Variants in ROBO2 observed in about 807,000 individuals in gnomAD.
The protein encoded by ROBO2 is roundabout guidance receptor 2, also known as roundabout homolog 2.
A neutral mutation model predicts 160.8 loss-of-function variants in ROBO2; 53 were observed. That is an observed-to-expected ratio of 0.33 (90% CI 0.26 to 0.41). The LOEUF is 0.41. Ranked by LOEUF, ROBO2 falls within the 10% of genes least tolerant of loss-of-function variation. The pLI is 1.00. For synonymous variants in ROBO2, 664 were observed against 611.7 expected (o/e 1.09, Z -1.26); for missense variants, 1,577 against 1,722.4 (o/e 0.92, Z 1.49).
chr3:76,997,536 T>C (rs2061088483), intron 2 of ROBO2, among the ~76,000 whole-genome samples: 1 of 152,178 alleles, frequency 6.6e-6, no homozygotes, highest in South Asian at 2.1e-4. Context: ...GGGCAAAGTC[T>C]GAAATGGTTT....
chr3:77,170,212 A>G (rs2079502394), intron 2 of ROBO2, among the ~76,000 whole-genome samples: 1 of 152,160 alleles, frequency 6.6e-6, no homozygotes, highest in African/African-American at 2.4e-5. Flanking sequence ...TATTATTTAA[A>G]TCATTACCAG....
chr3:77,290,090 T>C (rs1286653344), intron 2 of ROBO2, among the ~76,000 whole-genome samples: 1 of 151,694 alleles, frequency 6.6e-6, no homozygotes, highest in Non-Finnish European at 1.5e-5. Flanking sequence ...AATTGACGGT[T>C]AAACGGATAA....
intron 2 of ROBO2, among the ~76,000 whole-genome samples, chr3:76,957,830 C>CAA (rs11298062): frequency 4.8e-5 from 6 of 125,936 alleles, no homozygotes; most frequent in Admixed American, 8.6e-5. Flanking sequence ...GACTCTGTCT[C>CAA]AAAAAAAAAA....
At chr3:76,100,232 G>A (rs529518092) in intron 2 of ROBO2, among the ~76,000 whole-genome samples, 5 of 152,270 alleles carry the variant, frequency 3.3e-5, no homozygotes, top group East Asian at 3.9e-4. Flanking sequence ...TAGGGATGCC[G>A]GTTGGGAAGA....
chr3:76,875,584 T>A (rs2072625611), intron 2 of ROBO2, among the ~76,000 whole-genome samples: 1 of 152,170 alleles, frequency 6.6e-6, no homozygotes, highest in African/African-American at 2.4e-5. Flanking sequence ...AGAGGTCACC[T>A]GCTTCCTTTG....
chr3:75,971,324 C>T (rs1023481400), intron 2 of ROBO2, among the ~76,000 whole-genome samples: 1 of 151,392 alleles, frequency 6.6e-6, no homozygotes, highest in Non-Finnish European at 1.5e-5. Context: ...TGAACAACAT[C>T]ATAAAACCTG....
chr3:77,249,003 G>C (rs532389688), intron 2 of ROBO2, among the ~76,000 whole-genome samples: 3 of 152,082 alleles, frequency 2.0e-5, no homozygotes, highest in East Asian at 3.9e-4. Context: ...TCAGCCTCCC[G>C]AGTAGCTGGG....
intron 2 of ROBO2, among the ~76,000 whole-genome samples, chr3:76,298,275 A>G (rs1709184840): frequency 6.6e-6 from 1 of 152,120 alleles, no homozygotes; most frequent in African/African-American, 2.4e-5. Flanking sequence ...AGGAAGAAAG[A>G]GGAAAGGAAA....
chr3:77,329,092 A>G (rs2065732571), intron 2 of ROBO2, among the ~76,000 whole-genome samples: 2 of 152,350 alleles, frequency 1.3e-5, no homozygotes, highest in Admixed American at 1.3e-4. Flanking sequence ...ATTCCTGAAC[A>G]GAGTTTAACA....
intron 2 of ROBO2, among the ~76,000 whole-genome samples, chr3:76,705,456 A>G (rs2093140365): frequency 6.6e-6 from 1 of 152,108 alleles, no homozygotes; most frequent in Non-Finnish European, 1.5e-5. Context: ...GAGAGTGTAC[A>G]TTCAAGAAAG....
intron 2 of ROBO2, among the ~76,000 whole-genome samples, chr3:76,305,876 T>C (rs571429038): frequency 6.6e-6 from 1 of 151,962 alleles, no homozygotes; most frequent in South Asian, 2.1e-4. Context: ...CATCACCTTG[T>C]GATCAGACAA....
At chr3:76,929,216 C>T (rs552117810) in intron 2 of ROBO2, among the ~76,000 whole-genome samples, 12 of 152,254 alleles carry the variant, frequency 7.9e-5, no homozygotes, top group East Asian at 1.9e-4. Flanking sequence ...GCTGAGATTA[C>T]GCCATTGCAC....
At chr3:77,509,699 C>G (rs991204207) in intron 5 of ROBO2, among the ~76,000 whole-genome samples, 10 of 151,960 alleles carry the variant, frequency 6.6e-5, no homozygotes, top group Non-Finnish European at 1.0e-4. Flanking sequence ...GGCATTTTGT[C>G]ATGAGCAATA....
intron 2 of ROBO2, among the ~76,000 whole-genome samples, chr3:76,064,811 A>G (rs1439849211): frequency 2.6e-5 from 4 of 152,170 alleles, no homozygotes; most frequent in Admixed American, 1.3e-4. Context: ...TTTTAAAAAT[A>G]AAAAAGAGAA....
At chr3:76,291,614 G>A (rs184703882) in intron 2 of ROBO2, among the ~76,000 whole-genome samples, 46 of 152,114 alleles carry the variant, frequency 3.0e-4, no homozygotes, top group Middle Eastern at 3.4e-3. Flanking sequence ...GGCGATGTTA[G>A]GTTGGTTGTT....
chr3:76,063,598 G>A (rs1007635148), intron 2 of ROBO2, among the ~76,000 whole-genome samples: 2 of 151,156 alleles, frequency 1.3e-5, no homozygotes, highest in Non-Finnish European at 1.5e-5. Flanking sequence ...CTCCCATTTC[G>A]ACCTCCCAAA....
intron 2 of ROBO2, among the ~76,000 whole-genome samples, chr3:76,418,296 T>A (rs2075840338): frequency 7.1e-6 from 1 of 141,530 alleles, no homozygotes; most frequent in Non-Finnish European, 1.5e-5. Context: ...CAGGCTGAAG[T>A]GCAGTGATGC....
intron 2 of ROBO2, among the ~76,000 whole-genome samples, chr3:77,382,363 A>T (rs868819217): frequency 2.2e-3 from 87 of 40,002 alleles, no homozygotes; most frequent in South Asian, 3.5e-3. Flanking sequence ...TTTTTTTTTT[A>T]AAAAGTCTTT....
At chr3:76,517,191 G>A (rs566382035) in intron 2 of ROBO2, among the ~76,000 whole-genome samples, 2 of 152,204 alleles carry the variant, frequency 1.3e-5, no homozygotes, top group South Asian at 4.1e-4. Context: ...ATATTTCAGT[G>A]CTTTTACCCA....
Sources: gnomAD v4.1 joint callset for allele counts (sites outside exome capture counted in the v4.1 genomes callset) on GRCh38, gnomAD v4.1.1 for gene constraint, MANE v1.5 for transcripts, NCBI Gene and HGNC (gene_info 2026-07-23, HGNC 2026-07-21) for gene names.